Variants in KCNN2 observed in about 807,000 individuals in gnomAD.
KCNN2 encodes potassium calcium-activated channel subfamily N member 2, also known as small conductance calcium-activated potassium channel protein 2.
A neutral mutation model predicts 55.5 loss-of-function variants in KCNN2; 24 were observed. The ratio of observed to expected loss-of-function variants is 0.43; its 90% CI spans 0.31 to 0.61. The LOEUF (loss-of-function observed/expected upper bound fraction) is 0.61. KCNN2 is among the 20% of genes least tolerant of loss of function. The pLI is 0.08. For synonymous variants in KCNN2, 431 were observed against 336.1 expected (o/e 1.28, Z -3.09); for missense variants, 754 against 853.6 (o/e 0.88, Z 1.45).
At chr5:114,179,180 T>C (rs1291477138) in intron 1 of KCNN2, among the ~76,000 whole-genome samples, 1 of 152,210 alleles carries the variant, frequency 6.6e-6, no homozygotes, top group East Asian at 1.9e-4. Context: ...AACTAAATGG[T>C]TCCAGCTCAG....
chr5:114,391,873 G>T (rs556759369), intron 2 of KCNN2, among the ~76,000 whole-genome samples: 1 of 152,090 alleles, frequency 6.6e-6, no homozygotes, highest in African/African-American at 2.4e-5. Context: ...GAATTACTGT[G>T]ACTCTTTTGG....
At chr5:114,113,544 C>T (rs1751647618) in intron 1 of KCNN2, among the ~76,000 whole-genome samples, 1 of 152,024 alleles carries the variant, frequency 6.6e-6, no homozygotes, top group African/African-American at 2.4e-5. Flanking sequence ...CTGACGTTAG[C>T]TTTTCTTAAC....
In KCNN2 at chr5:114,175,780, A is replaced by G. The variant is rs141330610; in HGVS notation, c.-270-45700A>G. ...TGTGACTTAATGTAGCCCATAAACT[A>G]GTTGCAATTGCACTTTAGTTGAATT... On this transcript the variant is annotated intron_variant, in intron 1 of 10. Transcript: ENST00000512097. Among the ~76,000 whole-genome samples, 165 of 152,324 alleles carry G rather than the reference A, an allele frequency of 1.1e-3. 5 individuals carry two copies. The highest frequency in any genetic ancestry group is 3.7e-3 in the African/African-American group (153 of 41,590).
chr5:114,116,783 C>T (rs1174862496), intron 1 of KCNN2, among the ~76,000 whole-genome samples: 1 of 152,094 alleles, frequency 6.6e-6, no homozygotes, highest in African/African-American at 2.4e-5. Flanking sequence ...TTGTGGGAGA[C>T]TTTGGTTTTG....
At chr5:114,111,670 T>A (rs974840364) in intron 1 of KCNN2, among the ~76,000 whole-genome samples, 1 of 152,080 alleles carries the variant, frequency 6.6e-6, no homozygotes, top group African/African-American at 2.4e-5. Context: ...GGGCAAAGGA[T>A]ATGAACAGAC....
chr5:114,469,933 A>G (rs987913930), intron 4 of KCNN2, among the ~76,000 whole-genome samples: 1 of 152,198 alleles, frequency 6.6e-6, no homozygotes, highest in African/African-American at 2.4e-5. Context: ...TATTTGAACA[A>G]AAAGGTTTCT....
At chr5:114,252,066 C>T (rs908323679) in intron 2 of KCNN2, among the ~76,000 whole-genome samples, 7 of 151,310 alleles carry the variant, frequency 4.6e-5, no homozygotes, top group South Asian at 2.1e-4. Context: ...TTAGTAGAGA[C>T]GTGGTTTCAC....
intron 2 of KCNN2, among the ~76,000 whole-genome samples, chr5:114,288,420 G>A (rs1352641263): frequency 6.6e-6 from 1 of 151,418 alleles, no homozygotes. Context: ...GTTTTCCACA[G>A]ACCAATTTTA....
chr5:114,377,559 G>A (rs1757982323), intron 2 of KCNN2, among the ~76,000 whole-genome samples: 1 of 152,182 alleles, frequency 6.6e-6, no homozygotes, highest in Non-Finnish European at 1.5e-5. Context: ...GGTGTGGGTG[G>A]CAGCACAGAG....
intron 2 of KCNN2, among the ~76,000 whole-genome samples, chr5:114,306,126 A>T (rs1756264598): frequency 6.6e-6 from 1 of 152,166 alleles, no homozygotes; most frequent in Non-Finnish European, 1.5e-5. Context: ...GTGAATTTGA[A>T]CTGGTATCTT....
At chr5:114,224,355 A>C (rs1043012512) in intron 2 of KCNN2, among the ~76,000 whole-genome samples, 2 of 152,158 alleles carry the variant, frequency 1.3e-5, no homozygotes, top group African/African-American at 2.4e-5. Flanking sequence ...TTTTTAGAAA[A>C]TATTTTTTCT....
intron 1 of KCNN2, among the ~76,000 whole-genome samples, chr5:114,065,734 A>G (rs1397979038): frequency 6.6e-6 from 1 of 152,090 alleles, no homozygotes; most frequent in Non-Finnish European, 1.5e-5. Context: ...ACTATTTTAC[A>G]GAGCCAAGTC....
intron 1 of KCNN2, among the ~76,000 whole-genome samples, chr5:114,159,197 G>T (rs925751056): frequency 6.6e-6 from 1 of 152,104 alleles, no homozygotes; most frequent in African/African-American, 2.4e-5. Flanking sequence ...AATTTATTGA[G>T]AGTTTTTAGC....
In KCNN2 at chr5:114,072,955, G is replaced by A. The variant is rs1750606818; in HGVS notation, c.-271+16455G>A. 5.9e-5 allele frequency among the ~76,000 whole-genome samples: 9 copies of A among 152,186 alleles called. 1 individual carries two copies. The South Asian group carries it at 1.9e-3, about 32-fold the overall frequency. On this transcript the variant is annotated intron_variant, in intron 1 of 10. Coordinates refer to the KCNN2 transcript ENST00000512097. ...TAACATCTATTTTTATCTCTTACCTGCCATTTTATGCATAGGTAATACATA... is the reference window on the plus strand; with the variant it reads ...TAACATCTATTTTTATCTCTTACCTACCATTTTATGCATAGGTAATACATA...
At position 114,363,238 on chromosome 5, in the gene KCNN2, C is replaced by T. The variant is rs1757499891; in HGVS notation, c.1099C>T (p.Leu367=). Residue 367 remains leucine (L), a synonymous_variant, in exon 1 of 8, where the codon CTG becomes TTG. Transcript: ENST00000673685. Reference sequence around the variant, plus strand: ...CGTGGTCATGGTCATCGAGACCGAGCTGTCGTGGGGCGCCTACGACAAGGT... The same window carrying T: ...CGTGGTCATGGTCATCGAGACCGAGTTGTCGTGGGGCGCCTACGACAAGGT... The part of the protein sequence containing the change: ...GIVVMVIETE[L]SWGAYDKASL... The T allele has an allele frequency of 1.2e-6, 2 of 1,611,724 alleles. No individual in the cohort carries two copies. Among genetic ancestry groups the T allele is most frequent in the African/African-American group, 2.7e-5 (2 of 74,924 alleles).
chr5:114,236,637 G>GC (rs1222172983), intron 2 of KCNN2, among the ~76,000 whole-genome samples: 7 of 151,908 alleles, frequency 4.6e-5, no homozygotes, highest in Non-Finnish European at 8.8e-5. Context: ...TGATTTTGCT[G>GC]CCCCCCTTCA....
chr5:114,399,164 A>T (rs1758708180), intron 2 of KCNN2, among the ~76,000 whole-genome samples: 1 of 152,178 alleles, frequency 6.6e-6, no homozygotes, highest in Non-Finnish European at 1.5e-5. Flanking sequence ...TTTCAGCATG[A>T]TGTTGGCTGT....
Position 114,140,762 on chromosome 5 carries a change from C to CATTATTATTATT in KCNN2, c.-270-80687_-270-80676dup, listed in dbSNP as rs61070958. On this transcript the variant is annotated intron_variant, in intron 1 of 10. Transcript: ENST00000512097. ...TATTGCAAAACATTACTGTCATCCT[C>CATTATTATTATT]ATTATTATTATTATTATTATTATTA... is the stretch of plus-strand genomic sequence containing the variant. Among the ~76,000 whole-genome samples, 239 of 139,902 alleles carry CATTATTATTATT rather than the reference C, an allele frequency of 1.7e-3. 1 individual carries two copies. Among genetic ancestry groups the CATTATTATTATT allele is most frequent in the African/African-American group, 4.3e-3 (163 of 37,820 alleles). 91.8% of individuals were successfully genotyped at this position (139,902 alleles called of 152,430 possible).
chr5:114,099,683 TGCTATTTATGATTTTGTTCTTG>T (rs895084885), intron 1 of KCNN2, among the ~76,000 whole-genome samples: 11 of 152,114 alleles, frequency 7.2e-5, no homozygotes, highest in Non-Finnish European at 1.2e-4. Context: ...TTGGCAATTG[TGCTATTTATGATTTTGTTCTTG>T]GAAAAATTTT....
Sources: gnomAD v4.1 joint callset for allele counts (sites outside exome capture counted in the v4.1 genomes callset) on GRCh38, gnomAD v4.1.1 for gene constraint, MANE v1.5 for transcripts, NCBI Gene and HGNC (gene_info 2026-07-23, HGNC 2026-07-21) for gene names.